The following CAMKMT variants were observed in gnomAD, a reference collection of about 807,000 sequenced individuals.
CAMKMT encodes the protein CaM KMT.
A neutral mutation model predicts 48.0 loss-of-function variants in CAMKMT; 53 were observed. The ratio of observed to expected loss-of-function variants is 1.10; its 90% CI spans 0.89 to 1.39. The LOEUF is 1.39. Among genes scored for constraint, CAMKMT ranks in the 40% most tolerant of loss-of-function variants. CAMKMT has a pLI of 0.00. For synonymous variants in CAMKMT, 165 were observed against 152.3 expected (o/e 1.08, Z -0.61); for missense variants, 428 against 402.7 (o/e 1.06, Z -0.54).
intron 3 of CAMKMT, among the ~76,000 whole-genome samples, chr2:44,522,631 G>A (rs1671179259): frequency 6.6e-6 from 1 of 152,196 alleles, no homozygotes; most frequent in South Asian, 2.1e-4. Context: ...GCCACACTCT[G>A]AGATGCTTTC....
intron 10 of CAMKMT, among the ~76,000 whole-genome samples, chr2:44,770,852 C>T (rs1681075911): frequency 6.6e-6 from 1 of 152,234 alleles, no homozygotes; most frequent in Admixed American, 6.5e-5. Flanking sequence ...GTACACAGAA[C>T]AAACTCTGTC....
At chr2:44,600,782 T>C (rs1670939442) in intron 3 of CAMKMT, among the ~76,000 whole-genome samples, 1 of 152,156 alleles carries the variant, frequency 6.6e-6, no homozygotes. Flanking sequence ...TTAAAATTTC[T>C]TTAGAGAGTT....
chr2:44,705,925 A>G lies in CAMKMT; in HGVS notation c.438-362A>G, dbSNP rs565686519. ...ACTGTTTTTGAAGGAATGAATGTGGATTAACAGTGTTATCCTTTCCTAACA... is the reference window on the plus strand; with the variant it reads ...ACTGTTTTTGAAGGAATGAATGTGGGTTAACAGTGTTATCCTTTCCTAACA... On this transcript the variant is annotated intron_variant, in intron 4 of 10. Transcript: ENST00000378494. Among the ~76,000 whole-genome samples, 107 of 152,260 alleles carry G rather than the reference A, an allele frequency of 7.0e-4. 1 individual carries two copies. Among genetic ancestry groups the G allele is most frequent in the African/African-American group, 2.4e-3 (100 of 41,544 alleles).
chr2:44,548,411 A>G (rs763535742), intron 3 of CAMKMT, among the ~76,000 whole-genome samples: 9 of 152,144 alleles, frequency 5.9e-5, no homozygotes, highest in African/African-American at 9.7e-5. Flanking sequence ...CTCACATGAA[A>G]CCACAAGCCC....
At chr2:44,439,489 A>G (rs1202039468) in intron 3 of CAMKMT, among the ~76,000 whole-genome samples, 3 of 152,058 alleles carry the variant, frequency 2.0e-5, no homozygotes, top group Non-Finnish European at 4.4e-5. Flanking sequence ...ACTTTTTGGT[A>G]GAGTTAGTTC....
rs548371520 is a variant in CAMKMT at position 44,493,177 on chromosome 2, G to A, written c.376+102872G>A. The stretch of plus-strand genomic sequence containing the variant: ...TCCAAAGTGCTGGGATTACAGGCAT[G>A]AGCCACTGCACCTGGCCTTAATATT... On this transcript the variant is annotated intron_variant, in intron 3 of 10. Transcript: ENST00000378494. 5.5e-4 allele frequency among the ~76,000 whole-genome samples: 83 copies of A among 152,168 alleles called. 1 individual carries two copies. Among genetic ancestry groups the A allele is most frequent in the African/African-American group, 2.0e-3 (82 of 41,512 alleles).
At chr2:44,424,759 G>A (rs529982393) in intron 3 of CAMKMT, among the ~76,000 whole-genome samples, 33 of 152,264 alleles carry the variant, frequency 2.2e-4, no homozygotes, top group African/African-American at 7.7e-4. Context: ...TGGGGACTTA[G>A]GGGGAAAGGG....
chr2:44,463,608 C>T (rs1455840072), intron 3 of CAMKMT, among the ~76,000 whole-genome samples: 1 of 152,180 alleles, frequency 6.6e-6, no homozygotes, highest in Admixed American at 6.5e-5. Flanking sequence ...GCTGAACCAG[C>T]ATACCTTGGA....
chr2:44,406,940 T>G (rs1682823227), intron 3 of CAMKMT, among the ~76,000 whole-genome samples: 1 of 152,204 alleles, frequency 6.6e-6, no homozygotes, highest in Admixed American at 6.5e-5. Context: ...CTATTCTTTA[T>G]AATTTCTGTC....
chr2:44,619,963 C>T (rs1672087476), intron 3 of CAMKMT, among the ~76,000 whole-genome samples: 1 of 152,130 alleles, frequency 6.6e-6, no homozygotes, highest in Non-Finnish European at 1.5e-5. Flanking sequence ...AAGTGACAAC[C>T]CATGCCCAGT....
At chr2:44,638,566 C>T (rs565248501) in intron 3 of CAMKMT, among the ~76,000 whole-genome samples, 3 of 152,296 alleles carry the variant, frequency 2.0e-5, no homozygotes, top group African/African-American at 7.2e-5. Context: ...TATCTATTGT[C>T]TTTCAAATGG....
At chr2:44,675,085 GAAAAA>G (rs201919086) in intron 3 of CAMKMT, among the ~76,000 whole-genome samples, 1 of 146,352 alleles carries the variant, frequency 6.8e-6, no homozygotes, top group Non-Finnish European at 1.5e-5. Context: ...TTAAGGGGGG[GAAAAA>G]AAAAAAGGCA....
At position 44,481,145 on chromosome 2, in the gene CAMKMT, A is replaced by C. The variant is rs548228079; in HGVS notation, c.376+90840A>C. On this transcript the variant is annotated intron_variant, in intron 3 of 10. Coordinates refer to ENST00000378494, the MANE Select transcript of CAMKMT (RefSeq NM_024766.5). ...TGAAAGGAAACAGAATTATATAAGC[A>C]AAAAAGTTTGCTGGGAACCTCACAT... 8.8e-4 allele frequency among the ~76,000 whole-genome samples: 134 copies of C among 152,238 alleles called. 1 individual carries two copies. The highest frequency in any genetic ancestry group is 3.2e-3 in the African/African-American group (132 of 41,578).
At chr2:44,611,462 C>T (rs1558743226) in intron 3 of CAMKMT, among the ~76,000 whole-genome samples, 1 of 151,658 alleles carries the variant, frequency 6.6e-6, no homozygotes, top group Admixed American at 6.6e-5. Flanking sequence ...AGTATCTACC[C>T]AGATACTTTT....
chr2:44,669,553 T>C (rs1271239484), intron 3 of CAMKMT, among the ~76,000 whole-genome samples: 2 of 152,234 alleles, frequency 1.3e-5, no homozygotes, highest in Non-Finnish European at 2.9e-5. Context: ...CATTCCACCA[T>C]ATGTTTGTCA....
chr2:44,365,790 A>G (rs1678528413), intron 1 of CAMKMT, among the ~76,000 whole-genome samples: 1 of 152,244 alleles, frequency 6.6e-6, no homozygotes. Flanking sequence ...AAAAGTAGCA[A>G]TGACTGTTAC....
chr2:44,454,111 C>G (rs1451877574), intron 3 of CAMKMT, among the ~76,000 whole-genome samples: 1 of 152,060 alleles, frequency 6.6e-6, no homozygotes, highest in Admixed American at 6.6e-5. Flanking sequence ...GTTGGAGAAG[C>G]TTCGTCTGCA....
intron 3 of CAMKMT, among the ~76,000 whole-genome samples, chr2:44,468,838 G>A (rs568045371): frequency 1.3e-5 from 2 of 152,290 alleles, no homozygotes; most frequent in Non-Finnish European, 2.9e-5. Flanking sequence ...AGGATTGCTT[G>A]AGCTGGGAGG....
At chr2:44,488,733 A>T (rs1669333098) in intron 3 of CAMKMT, among the ~76,000 whole-genome samples, 1 of 151,828 alleles carries the variant, frequency 6.6e-6, no homozygotes, top group South Asian at 2.1e-4. Flanking sequence ...ACCCCAAAAA[A>T]CCCAAACTTA....
Sources: gnomAD v4.1 joint callset for allele counts (sites outside exome capture counted in the v4.1 genomes callset) on GRCh38, gnomAD v4.1.1 for gene constraint, MANE v1.5 for transcripts, NCBI Gene and HGNC (gene_info 2026-07-23, HGNC 2026-07-21) for gene names.